The following NSMCE2 variants were observed in gnomAD, a reference collection of about 807,000 sequenced individuals.
The protein encoded by NSMCE2 is NSE2 SUMO ligase component of SMC5/6 complex, also known as E3 SUMO-protein ligase NSE2.
In NSMCE2, 24 loss-of-function variants were observed where a neutral mutation model predicts 23.8. The observed-to-expected ratio is 1.01, with a 90% CI of 0.73 to 1.42. The LOEUF (loss-of-function observed/expected upper bound fraction) is 1.42. NSMCE2 is among the 40% of genes most tolerant of loss of function. The pLI, the probability that NSMCE2 is intolerant of heterozygous loss-of-function variation, is 0.00. For missense variants in NSMCE2, 284 were observed against 296.5 expected (o/e 0.96, Z 0.31); for synonymous variants, 92 against 94.1 (o/e 0.98, Z 0.13).
At chr8:125,316,037 G>A (rs1829166487) in intron 5 of NSMCE2, among the ~76,000 whole-genome samples, 1 of 152,074 alleles carries the variant, frequency 6.6e-6, no homozygotes, top group South Asian at 2.1e-4. Flanking sequence ...AAATTCCTGG[G>A]CTCAGGTGAT....
At chr8:125,290,909 C>T (rs1037795208) in intron 5 of NSMCE2, among the ~76,000 whole-genome samples, 7 of 152,084 alleles carry the variant, frequency 4.6e-5, no homozygotes, top group Non-Finnish European at 8.8e-5. Flanking sequence ...TTATGTGTAC[C>T]ATGAGGTCAG....
chr8:125,241,467 TCTC>T (rs899208092), intron 5 of NSMCE2, among the ~76,000 whole-genome samples: 5 of 152,354 alleles, frequency 3.3e-5, no homozygotes, highest in African/African-American at 9.6e-5. Flanking sequence ...ATCAAGAAAT[TCTC>T]CTTACAGTTA....
intron 5 of NSMCE2, among the ~76,000 whole-genome samples, chr8:125,307,141 T>C (rs1472607506): frequency 6.6e-6 from 1 of 152,222 alleles, no homozygotes; most frequent in Non-Finnish European, 1.5e-5. Context: ...TTTAACATTG[T>C]GGGTACCGGT....
chr8:125,116,473 T>C (rs2130463589), intron 3 of NSMCE2, among the ~76,000 whole-genome samples: 1 of 152,346 alleles, frequency 6.6e-6, no homozygotes, highest in Non-Finnish European at 1.5e-5. Context: ...AACTTATTTC[T>C]GTGTATAGGG....
At chr8:125,281,733 G>C (rs566289725) in intron 5 of NSMCE2, among the ~76,000 whole-genome samples, 3 of 150,150 alleles carry the variant, frequency 2.0e-5, no homozygotes, top group African/African-American at 7.4e-5. Flanking sequence ...GAGCCACCGT[G>C]CACGGCCGTA....
At chr8:125,338,282 T>TG (rs1210802840) in intron 5 of NSMCE2, among the ~76,000 whole-genome samples, 2 of 76,474 alleles carry the variant, frequency 2.6e-5, no homozygotes, top group Non-Finnish European at 6.6e-5. Flanking sequence ...AGATGTTGGG[T>TG]GGAAAAAAAA....
In NSMCE2 at chr8:125,263,851, A is replaced by G. The variant is rs557400806; in HGVS notation, c.418+81595A>G. On this transcript the variant is annotated intron_variant, in intron 5 of 7. Transcript: ENST00000287437. Reference sequence around the variant, plus strand: ...CTCTCAAATATCAGCTCTAGCGTGTAAAGAGAGATTTTTGTGTTTTACTCA... The same window carrying G: ...CTCTCAAATATCAGCTCTAGCGTGTGAAGAGAGATTTTTGTGTTTTACTCA... 5.9e-5 allele frequency among the ~76,000 whole-genome samples: 9 copies of G among 152,252 alleles called. No homozygotes were observed. The South Asian group carries it at 1.7e-3, about 28-fold the overall frequency.
intron 3 of NSMCE2, among the ~76,000 whole-genome samples, chr8:125,103,198 C>G (rs923888471): frequency 6.6e-6 from 1 of 151,786 alleles, no homozygotes; most frequent in Non-Finnish European, 1.5e-5. Context: ...TCCAGCTACT[C>G]GGGAGGCTGA....
intron 7 of NSMCE2, among the ~76,000 whole-genome samples, chr8:125,359,371 T>C (rs1224542411): frequency 6.6e-6 from 1 of 150,788 alleles, no homozygotes; most frequent in East Asian, 1.9e-4. Flanking sequence ...TTCCCTCTTT[T>C]TGCCCAGGCT....
chr8:125,342,777 G>A (rs968992398), intron 5 of NSMCE2, among the ~76,000 whole-genome samples: 1 of 152,070 alleles, frequency 6.6e-6, no homozygotes, highest in African/African-American at 2.4e-5. Context: ...ACAGATGAGT[G>A]TTCCTTACTC....
intron 5 of NSMCE2, among the ~76,000 whole-genome samples, chr8:125,211,568 C>T (rs1824347364): frequency 6.6e-6 from 1 of 152,158 alleles, no homozygotes; most frequent in Non-Finnish European, 1.5e-5. Flanking sequence ...TACAGAAGTC[C>T]ACACAAGTAG....
At chr8:125,098,450 C>G (rs1818038130) in intron 1 of NSMCE2, among the ~76,000 whole-genome samples, 1 of 152,060 alleles carries the variant, frequency 6.6e-6, no homozygotes, top group Admixed American at 6.5e-5. Flanking sequence ...GCAGAGGAGT[C>G]ACATGATCTT....
At chr8:125,188,216 C>G (rs564644131) in intron 5 of NSMCE2, among the ~76,000 whole-genome samples, 126 of 152,302 alleles carry the variant, frequency 8.3e-4, no homozygotes, top group African/African-American at 2.9e-3. Flanking sequence ...CTTCGCTTTA[C>G]TATTTTTAGT....
At chr8:125,134,080 A>G (rs1819927035) in intron 3 of NSMCE2, among the ~76,000 whole-genome samples, 1 of 152,242 alleles carries the variant, frequency 6.6e-6, no homozygotes, top group South Asian at 2.1e-4. Context: ...ACTAGATTAG[A>G]GAAAGCAAAT....
rs189802667 is a variant in NSMCE2, at chr8:125,170,340, C to T, written c.265-11763C>T. On this transcript the variant is annotated intron_variant, in intron 4 of 7. Transcript: ENST00000287437. ...TTTGTTCCTTAATTTTTTCACAGCC[C>T]ATATCCAGTCCATCAATAAACCTTA... Among the ~76,000 whole-genome samples the T allele has an allele frequency of 4.9e-5, 7 of 142,250 alleles. No individual in the cohort carries two copies. In the East Asian group the frequency reaches 1.5e-3, roughly 30 times the overall value. 93.3% of individuals were successfully genotyped at this position (142,250 alleles called of 152,430 possible). A position where few individuals can be genotyped will look rare whatever the true frequency, so the allele number is the denominator to read the frequency against.
At chr8:125,151,435 G>C (rs1238093855) in intron 4 of NSMCE2, 158 bp downstream of exon 4, 1 of 446,026 alleles carries the variant, frequency 2.2e-6, no homozygotes, top group Non-Finnish European at 4.0e-6. Context: ...CATAAAATTG[G>C]AATCCTAAGT....
intron 5 of NSMCE2, among the ~76,000 whole-genome samples, chr8:125,315,942 A>G (rs1829162296): frequency 6.6e-6 from 1 of 152,144 alleles, no homozygotes; most frequent in South Asian, 2.1e-4. Flanking sequence ...AGCTGTGACC[A>G]TAGGCACACA....
chr8:125,341,542 A>G (rs1463851262), intron 5 of NSMCE2, among the ~76,000 whole-genome samples: 1 of 151,836 alleles, frequency 6.6e-6, no homozygotes, highest in Non-Finnish European at 1.5e-5. Flanking sequence ...AGTTCTCCTT[A>G]TGTGGTTTTT....
At chr8:125,122,829 C>T (rs958286430) in intron 3 of NSMCE2, among the ~76,000 whole-genome samples, 4 of 152,118 alleles carry the variant, frequency 2.6e-5, no homozygotes, top group Admixed American at 2.6e-4. Flanking sequence ...TTGAAAAGAC[C>T]AGTTAATAAT....
Sources: gnomAD v4.1 joint callset for allele counts (sites outside exome capture counted in the v4.1 genomes callset) on GRCh38, gnomAD v4.1.1 for gene constraint, MANE v1.5 for transcripts, NCBI Gene and HGNC (gene_info 2026-07-23, HGNC 2026-07-21) for gene names.